GRID2: variants seen among roughly 807,000 people sequenced by gnomAD.
GRID2 encodes glutamate receptor ionotropic, delta-2.
A neutral mutation model predicts 114.8 loss-of-function variants in GRID2; 33 were observed. The observed-to-expected ratio is 0.29, with a 90% CI of 0.22 to 0.38. GRID2 has a LOEUF of 0.38. Ranked by LOEUF, GRID2 falls within the 10% of genes least tolerant of loss-of-function variation. The pLI, the probability that GRID2 is intolerant of heterozygous loss-of-function variation, is 1.00. For synonymous variants in GRID2, 505 were observed against 449.9 expected, an observed-to-expected ratio of 1.12 and a Z score of -1.55; for missense variants, 1,184 against 1,257.7, an observed-to-expected ratio of 0.94 and a Z score of 0.89.
intron 8 of GRID2, among the ~76,000 whole-genome samples, chr4:93,246,941 T>C (rs551836785): frequency 6.6e-6 from 1 of 152,112 alleles, no homozygotes; most frequent in African/African-American, 2.4e-5. Flanking sequence ...CACTGCAGAG[T>C]AGAGAAAATA....
At chr4:92,763,702 G>C (rs1738130216) in intron 2 of GRID2, among the ~76,000 whole-genome samples, 1 of 152,158 alleles carries the variant, frequency 6.6e-6, no homozygotes, top group Admixed American at 6.5e-5. Flanking sequence ...TTAAATGAGT[G>C]GGGATACGAA....
intron 2 of GRID2, among the ~76,000 whole-genome samples, chr4:93,008,645 T>G (rs1236161274): frequency 6.6e-6 from 1 of 152,134 alleles, no homozygotes; most frequent in Non-Finnish European, 1.5e-5. Flanking sequence ...CATGGCAGTA[T>G]TGCTGGAGAT....
chr4:93,276,851 C>G (rs1033785868), intron 8 of GRID2, among the ~76,000 whole-genome samples: 3 of 151,772 alleles, frequency 2.0e-5, no homozygotes, highest in African/African-American at 4.8e-5. Flanking sequence ...GCTAGTAAAA[C>G]TTTTACTCCT....
intron 13 of GRID2, among the ~76,000 whole-genome samples, chr4:93,620,306 A>G (rs936109931): frequency 1.3e-5 from 2 of 152,198 alleles, no homozygotes; most frequent in African/African-American, 2.4e-5. Flanking sequence ...TTTTAATAAG[A>G]AAGGATCATC....
At position 93,347,224 on chromosome 4, in the gene GRID2, T is replaced by TA. The variant is rs937956264; in HGVS notation, c.1246-48375dup. On this transcript the variant is annotated intron_variant, in intron 8 of 15. Transcript: ENST00000282020. ...TATTTCAGAATAAATTTCAAGTTGT[T>TA]AAAAAAAATTAATAACTTTTGAAGT... is the stretch of plus-strand genomic sequence containing the variant. 3.9e-5 allele frequency among the ~76,000 whole-genome samples: 6 copies of TA among 151,950 alleles called. No individual in the cohort carries two copies. In the East Asian group the frequency reaches 9.7e-4, roughly 25 times the overall value.
At chr4:93,351,712 A>G (rs1279625105) in intron 8 of GRID2, among the ~76,000 whole-genome samples, 1 of 151,972 alleles carries the variant, frequency 6.6e-6, no homozygotes, top group East Asian at 1.9e-4. Context: ...TAGTTTTTAT[A>G]ATGTTATTAT....
intron 1 of GRID2, among the ~76,000 whole-genome samples, chr4:92,313,426 T>G (rs1326961859): frequency 6.6e-6 from 1 of 151,760 alleles, no homozygotes; most frequent in African/African-American, 2.4e-5. Context: ...CTAAAGAAAC[T>G]TACTTATGTA....
chr4:93,216,960 A>C (rs753351208), intron 6 of GRID2, 49 bp downstream of exon 6: 1 of 1,298,368 alleles, frequency 7.7e-7, no homozygotes, highest in Admixed American at 1.7e-5. Context: ...TTGTTGGGCA[A>C]TTGCAAGGAG....
At chr4:93,716,132 TGGAACCATTTAA>T (rs1367054248) in intron 14 of GRID2, among the ~76,000 whole-genome samples, 1 of 152,170 alleles carries the variant, frequency 6.6e-6, no homozygotes, top group East Asian at 1.9e-4. Context: ...TCTGCTTACC[TGGAACCATTTAA>T]GTATGCATGT....
At chr4:93,630,761 A>G (rs965302527) in intron 14 of GRID2, among the ~76,000 whole-genome samples, 1 of 152,210 alleles carries the variant, frequency 6.6e-6, no homozygotes, top group Admixed American at 6.5e-5. Context: ...CCTTTCTGAC[A>G]GGGATGAAAG....
At chr4:92,745,321 T>A (rs1737095537) in intron 2 of GRID2, among the ~76,000 whole-genome samples, 1 of 152,218 alleles carries the variant, frequency 6.6e-6, no homozygotes, top group Admixed American at 6.5e-5. Flanking sequence ...TCATTTGATT[T>A]AGAGTATTTC....
intron 2 of GRID2, among the ~76,000 whole-genome samples, chr4:92,945,069 C>G (rs557841308): frequency 3.9e-5 from 6 of 152,102 alleles, no homozygotes; most frequent in African/African-American, 1.4e-4. Context: ...TTTCTGATAA[C>G]TAAGTTTGAA....
chr4:93,294,190 T>A (rs1174762736), intron 8 of GRID2, among the ~76,000 whole-genome samples: 1 of 106,182 alleles, frequency 9.4e-6, no homozygotes, highest in East Asian at 2.5e-4. Flanking sequence ...ATCCTTGCAT[T>A]TTCCTTGTTT....
intron 8 of GRID2, chr4:93,258,881 C>G (rs1216406857): frequency 2.2e-6 from 1 of 454,430 alleles, no homozygotes; most frequent in Admixed American, 2.4e-5. Context: ...ATTATCCTCT[C>G]TTTTCCATAA....
At chr4:92,470,210 A>G (rs1284915409) in intron 1 of GRID2, among the ~76,000 whole-genome samples, 2 of 151,968 alleles carry the variant, frequency 1.3e-5, no homozygotes, top group Non-Finnish European at 2.9e-5. Flanking sequence ...CCTAAGCTAT[A>G]ATTGGATGTG....
chr4:93,427,669 G>A (rs1363566228), intron 10 of GRID2, among the ~76,000 whole-genome samples: 1 of 151,930 alleles, frequency 6.6e-6, no homozygotes, highest in Non-Finnish European at 1.5e-5. Context: ...CAGTGGTCCA[G>A]TACATACATA....
chr4:93,450,022 T>G (rs1560631283), intron 10 of GRID2, among the ~76,000 whole-genome samples: 1 of 151,982 alleles, frequency 6.6e-6, no homozygotes, highest in Non-Finnish European at 1.5e-5. Flanking sequence ...TTTTAAAATT[T>G]TATTTGACCT....
intron 12 of GRID2, among the ~76,000 whole-genome samples, chr4:93,500,138 G>A (rs1042466005): frequency 1.1e-4 from 17 of 151,906 alleles, no homozygotes; most frequent in African/African-American, 2.2e-4. Flanking sequence ...AGTCAGTAAC[G>A]GGAGACTGGA....
intron 1 of GRID2, among the ~76,000 whole-genome samples, chr4:92,508,376 C>T (rs1167173153): frequency 6.6e-6 from 1 of 151,756 alleles, no homozygotes; most frequent in East Asian, 1.9e-4. Flanking sequence ...TCGGTAAATA[C>T]TGATAGGACA....
Sources: gnomAD v4.1 joint callset for allele counts (sites outside exome capture counted in the v4.1 genomes callset) on GRCh38, gnomAD v4.1.1 for gene constraint, MANE v1.5 for transcripts, NCBI Gene and HGNC (gene_info 2026-07-23, HGNC 2026-07-21) for gene names.